Variants in DYNC2LI1 observed in about 807,000 individuals in gnomAD.
DYNC2LI1 encodes the protein cytoplasmic dynein 2 light intermediate chain 1.
In DYNC2LI1, 45 loss-of-function variants were observed where a neutral mutation model predicts 51.9. That is an observed-to-expected ratio of 0.87 (90% confidence interval 0.68 to 1.11). DYNC2LI1 has a LOEUF of 1.11. Among genes scored for constraint, DYNC2LI1 ranks in the 50% most tolerant of loss-of-function variants. DYNC2LI1 has a pLI of 0.00. For synonymous variants in DYNC2LI1, 130 were observed against 137.8 expected, an observed-to-expected ratio of 0.94 and a Z score of 0.40; for missense variants, 490 against 417.4, an observed-to-expected ratio of 1.17 and a Z score of -1.51.
intron 8 of DYNC2LI1, among the ~76,000 whole-genome samples, chr2:43,799,782 A>C (rs1666015873): frequency 6.6e-6 from 1 of 152,206 alleles, no homozygotes; most frequent in Non-Finnish European, 1.5e-5. Context: ...CTCATAAAGA[A>C]AATAAAATTA....
chr2:43,818,873 T>A, the DYNC2LI1 span, among the ~76,000 whole-genome samples: 1 of 152,176 alleles, frequency 6.6e-6, no homozygotes, highest in Non-Finnish European at 1.5e-5. Context: ...GAAATAGTGA[T>A]CTCTTTTTTA....
chr2:43,792,861 A>G (rs1673856530), intron 5 of DYNC2LI1: 1 of 1,452,582 alleles, frequency 6.9e-7, no homozygotes, highest in Non-Finnish European at 9.0e-7. Flanking sequence ...ATAATGTTCC[A>G]TTGTGTAAAC....
downstream of DYNC2LI1, chr2:43,813,159 C>T (rs1458239200): frequency 1.4e-6 from 2 of 1,476,340 alleles, no homozygotes; most frequent in Non-Finnish European, 9.5e-7. Flanking sequence ...AACAACTATT[C>T]CTAGGATGAC....
At chr2:43,806,832 C>G (rs1235112231) in intron 12 of DYNC2LI1, among the ~76,000 whole-genome samples, 2 of 152,058 alleles carry the variant, frequency 1.3e-5, no homozygotes, top group Non-Finnish European at 2.9e-5. Context: ...CCATATCACC[C>G]TTCATTCATC....
the DYNC2LI1 span, among the ~76,000 whole-genome samples, chr2:43,827,659 G>C: frequency 1.3e-5 from 2 of 152,118 alleles, no homozygotes; most frequent in African/African-American, 4.8e-5. Context: ...GCTTTCCCCA[G>C]CCCACACAGT....
chr2:43,799,320 C>T (rs986794850), intron 8 of DYNC2LI1, among the ~76,000 whole-genome samples: 3 of 152,118 alleles, frequency 2.0e-5, no homozygotes, highest in Middle Eastern at 3.4e-3. Flanking sequence ...CCAATATGCT[C>T]CTCGCCCCCC....
At chr2:43,806,702 T>C (rs181794795) in intron 12 of DYNC2LI1, among the ~76,000 whole-genome samples, 2 of 152,316 alleles carry the variant, frequency 1.3e-5, no homozygotes, top group Admixed American at 1.3e-4. Context: ...TATACATCAG[T>C]ATTATTAAAG....
the DYNC2LI1 span, chr2:43,822,666 C>G: frequency 1.3e-6 from 2 of 1,555,272 alleles, no homozygotes; most frequent in East Asian, 4.8e-5. Flanking sequence ...CGACATTGCA[C>G]TAGACACTGA....
At chr2:43,811,015 T>C (rs955586410), downstream of DYNC2LI1, among the ~76,000 whole-genome samples, 1 of 152,224 alleles carries the variant, frequency 6.6e-6, no homozygotes, top group Non-Finnish European at 1.5e-5. Context: ...ATTTAATAGC[T>C]TGAAGTCACG....
rs1666420902 is a variant in DYNC2LI1, at chr2:43,809,921, A to G, written c.*154A>G. On this transcript the variant is annotated 3_prime_UTR_variant, in exon 13 of 13. Coordinates refer to ENST00000260605, the MANE Select transcript of DYNC2LI1 (RefSeq NM_016008.4). ...TTCTTGGACTAGTGCATCTCCCTGT[A>G]TATCTTGAAGCTTTTTAAAAGGAAA... is the stretch of plus-strand genomic sequence containing the variant. 55 of 1,383,370 alleles carry G rather than the reference A, an allele frequency of 4.0e-5. No individual in the cohort carries two copies. Among genetic ancestry groups the G allele is most frequent in the Non-Finnish European group, 5.2e-5 (55 of 1,067,438 alleles). The allele number at this position is 1,383,370 out of a possible 1,614,324, so 85.7% of individuals were successfully genotyped here. A position where few individuals can be genotyped will look rare whatever the true frequency, so the allele number is the denominator to read the frequency against.
chr2:43,792,143 A>G (rs1673820726), intron 5 of DYNC2LI1, among the ~76,000 whole-genome samples: 1 of 152,146 alleles, frequency 6.6e-6, no homozygotes, highest in African/African-American at 2.4e-5. Flanking sequence ...CTATTTTTAC[A>G]CTTAAGCAAA....
chr2:43,786,768 G>A (rs140697633), intron 3 of DYNC2LI1, among the ~76,000 whole-genome samples: 5,791 of 152,276 alleles, frequency 0.038, 205 homozygotes, highest in African/African-American at 0.087. Context: ...GGAGCTTGCA[G>A]TGAGCCAAGA....
intron 12 of DYNC2LI1, among the ~76,000 whole-genome samples, chr2:43,809,249 C>G (rs972582638): frequency 3.3e-5 from 5 of 152,112 alleles, no homozygotes; most frequent in Non-Finnish European, 7.4e-5. Flanking sequence ...GCCCCAGCCT[C>G]CCAAAGTGCT....
At chr2:43,822,526 T>C in the DYNC2LI1 span, 1 of 980,274 alleles carries the variant, frequency 1.0e-6, no homozygotes, top group Non-Finnish European at 1.2e-6. Flanking sequence ...TCCTCTCTTC[T>C]CTGGCCCAGG....
the DYNC2LI1 span, chr2:43,826,609 G>T: frequency 6.3e-7 from 1 of 1,584,670 alleles, no homozygotes; most frequent in Admixed American, 1.7e-5. Context: ...GTTCCTTATT[G>T]AGTTTGTACC....
downstream of DYNC2LI1, chr2:43,810,305 C>A: frequency 1.1e-6 from 1 of 950,180 alleles, no homozygotes; most frequent in Non-Finnish European, 1.3e-6. Flanking sequence ...TGGAATGGGG[C>A]ATTTTTAATC....
At chr2:43,827,419 G>C in the DYNC2LI1 span, among the ~76,000 whole-genome samples, 4 of 152,094 alleles carry the variant, frequency 2.6e-5, no homozygotes, top group African/African-American at 9.6e-5. Context: ...AGGCCGTCCT[G>C]GTCTACCACA....
rs965045761 is a variant in DYNC2LI1 at position 43,800,958 on chromosome 2, G to A, written c.731+41G>A. 3.7e-6 allele frequency: 5 copies of A among 1,361,630 alleles called. No homozygotes were observed. The African/African-American group carries it at 7.3e-5, about 20-fold the overall frequency. 84.3% of individuals were successfully genotyped at this position (1,361,630 alleles called of 1,614,324 possible). On this transcript the variant is annotated intron_variant, in intron 9 of 12. Transcript: ENST00000260605. ...TTTTTATATCATTTATTGAGTGATT[G>A]ATTTAGCCAATGTTGTCTCATCTGA...
At chr2:43,799,855 C>G (rs1666017913) in intron 8 of DYNC2LI1, among the ~76,000 whole-genome samples, 1 of 152,178 alleles carries the variant, frequency 6.6e-6, no homozygotes, top group Non-Finnish European at 1.5e-5. Context: ...AAAACATGGT[C>G]TCAGTAGAAG....
Sources: gnomAD v4.1 joint callset for allele counts (sites outside exome capture counted in the v4.1 genomes callset) on GRCh38, gnomAD v4.1.1 for gene constraint, MANE v1.5 for transcripts, NCBI Gene and HGNC (gene_info 2026-07-23, HGNC 2026-07-21) for gene names.